The following GLT1D1 variants were observed in gnomAD, a reference collection of about 807,000 sequenced individuals.
GLT1D1 encodes the protein glycosyltransferase 1 domain containing 1, also known as glycosyltransferase 1 domain-containing protein 1.
GLT1D1 carries 21 observed loss-of-function variants against 28.7 expected under a neutral mutation model. That is an observed-to-expected ratio of 0.73 (90% CI 0.52 to 1.05). The LOEUF (loss-of-function observed/expected upper bound fraction) is 1.05. Among genes scored for constraint, GLT1D1 ranks in the 50% least tolerant of loss-of-function variants. GLT1D1 has a pLI of 0.00. For missense variants in GLT1D1, 343 were observed against 330.6 expected (o/e 1.04, Z -0.29); for synonymous variants, 147 against 124.8 (o/e 1.18, Z -1.19).
chr12:128,912,189 T>C (rs543759539), intron 4 of GLT1D1, among the ~76,000 whole-genome samples: 4 of 152,284 alleles, frequency 2.6e-5, no homozygotes, highest in East Asian at 1.9e-4. Context: ...AGACTTTTTG[T>C]GTGTGTGCTT....
chr12:128,882,554 C>T (rs796175715), intron 2 of GLT1D1, among the ~76,000 whole-genome samples: 7 of 152,244 alleles, frequency 4.6e-5, no homozygotes, highest in African/African-American at 1.7e-4. Flanking sequence ...GCTGGGATTA[C>T]AGGTGTGAGC....
At chr12:128,969,633 CG>C (rs1353793448) in intron 7 of GLT1D1, among the ~76,000 whole-genome samples, 2 of 152,202 alleles carry the variant, frequency 1.3e-5, no homozygotes, top group Non-Finnish European at 2.9e-5. Flanking sequence ...CGGAGGCACT[CG>C]GGGCTCCTCC....
intron 4 of GLT1D1, among the ~76,000 whole-genome samples, chr12:128,910,423 A>C (rs1871389356): frequency 6.6e-6 from 1 of 152,112 alleles, no homozygotes; most frequent in Admixed American, 6.6e-5. Context: ...GATTATGCTG[A>C]ATCTGTTATT....
chr12:128,983,151 CAG>C lies in GLT1D1; in HGVS notation c.*64_*65del. ...ACAGCTCTGGGTGCACACTCAGAGA[CAG>C]AGTTCTGGATCACGTGGGCCCAGTG... On this transcript the variant is annotated 3_prime_UTR_variant, in exon 8 of 8. Coordinates refer to ENST00000281703, the MANE Select transcript of GLT1D1 (RefSeq NM_144669.3). This position sits in a 1 kb window ranked among gnomAD's most constrained non-coding sequence, Gnocchi z 4.7. 1 of 1,485,304 alleles carries C rather than the reference CAG, an allele frequency of 6.7e-7. No individual in the cohort carries two copies. The highest frequency in any genetic ancestry group is 9.3e-7 in the Non-Finnish European group (1 of 1,071,632). 92.0% of individuals were successfully genotyped at this position (1,485,304 alleles called of 1,614,324 possible).
intron 4 of GLT1D1, among the ~76,000 whole-genome samples, chr12:128,932,341 G>A (rs764932303): frequency 4.6e-5 from 7 of 152,146 alleles, no homozygotes; most frequent in Non-Finnish European, 1.0e-4. Flanking sequence ...CCATGTCCCC[G>A]TCTGGAGCTG....
intron 4 of GLT1D1, among the ~76,000 whole-genome samples, chr12:128,907,584 C>A (rs1363130218): frequency 6.6e-6 from 1 of 152,082 alleles, no homozygotes; most frequent in Non-Finnish European, 1.5e-5. Flanking sequence ...GGATTACAGG[C>A]GTAAGCCACC....
At chr12:128,908,435 C>T (rs1251280432) in intron 4 of GLT1D1, among the ~76,000 whole-genome samples, 3 of 143,952 alleles carry the variant, frequency 2.1e-5, no homozygotes, top group Admixed American at 1.4e-4. Flanking sequence ...TCCTTTCTTC[C>T]TTTCTTTCCT....
At chr12:128,862,369 G>T (rs1006085883) in intron 1 of GLT1D1, among the ~76,000 whole-genome samples, 2 of 146,860 alleles carry the variant, frequency 1.4e-5, no homozygotes, top group Non-Finnish European at 3.0e-5. Flanking sequence ...GCCATTGAAA[G>T]TTGTTGCTGG....
intron 4 of GLT1D1, among the ~76,000 whole-genome samples, chr12:128,913,457 G>A (rs928485668): frequency 2.0e-5 from 3 of 152,320 alleles, no homozygotes; most frequent in East Asian, 3.9e-4. Context: ...CTGACCTCAG[G>A]TGATCTGTCC....
At chr12:128,975,038 C>CGCACCT (rs1555222040) in intron 7 of GLT1D1, among the ~76,000 whole-genome samples, 6 of 152,224 alleles carry the variant, frequency 3.9e-5, no homozygotes, top group African/African-American at 1.4e-4. Context: ...AGTGCCCCCC[C>CGCACCT]GCACCTGCAC....
intron 7 of GLT1D1, among the ~76,000 whole-genome samples, chr12:128,958,815 G>T: frequency 7.6e-6 from 1 of 131,464 alleles, no homozygotes. Context: ...TTGTTAGGCA[G>T]TAGTAAATAA....
intron 7 of GLT1D1, among the ~76,000 whole-genome samples, chr12:128,979,844 T>A (rs920420452): frequency 1.3e-5 from 2 of 152,188 alleles, no homozygotes; most frequent in Admixed American, 1.3e-4. Context: ...TCAGAACACT[T>A]ACACTAACCT....
At chr12:128,953,580 A>C (rs10847723) in intron 6 of GLT1D1, among the ~76,000 whole-genome samples, 10,892 of 152,220 alleles carry the variant, frequency 0.072, 686 homozygotes, top group African/African-American at 0.16. Context: ...ACAGTCTTAA[A>C]GACTTAACTT....
intron 6 of GLT1D1, among the ~76,000 whole-genome samples, chr12:128,954,793 T>G (rs1877102919): frequency 6.6e-6 from 1 of 152,096 alleles, no homozygotes. Flanking sequence ...CTACAAAACA[T>G]TTTTAAAAAC....
chr12:128,948,827 C>G (rs1300050731), intron 6 of GLT1D1, among the ~76,000 whole-genome samples: 1 of 151,852 alleles, frequency 6.6e-6, no homozygotes, highest in East Asian at 1.9e-4. Flanking sequence ...ACGTTGTATG[C>G]ATAATATTTG....
intron 4 of GLT1D1, among the ~76,000 whole-genome samples, chr12:128,899,602 T>C (rs1399497387): frequency 6.9e-6 from 1 of 145,924 alleles, no homozygotes. Context: ...TAGGCTGGAG[T>C]GCAATGGCGT....
At chr12:128,914,965 T>G in intron 4 of GLT1D1, 1 of 1,536,046 alleles carries the variant, frequency 6.5e-7, no homozygotes, top group Non-Finnish European at 8.7e-7. Context: ...CGCTTTTAAC[T>G]GGAATACCTT....
At chr12:128,982,781 T>C in intron 7 of GLT1D1, 148 bp from the exon 12 acceptor site, 1 of 639,750 alleles carries the variant, frequency 1.6e-6, no homozygotes, top group Non-Finnish European at 2.8e-6. Context: ...TTGCATTAAC[T>C]CCCATCCCTC....
At chr12:128,888,792 A>C (rs1351246524) in intron 3 of GLT1D1, 48 bp downstream of exon 3, 13 of 1,223,744 alleles carry the variant, frequency 1.1e-5, no homozygotes, top group Non-Finnish European at 1.5e-5. Flanking sequence ...AAACTGTGTG[A>C]ATTGAATTAA....
Sources: allele counts gnomAD v4.1 joint callset (sites outside exome capture counted in the v4.1 genomes callset), GRCh38; gene constraint gnomAD v4.1.1; non-coding constraint Gnocchi (gnomAD v3.1); transcripts MANE v1.5; gene names NCBI Gene and HGNC (gene_info 2026-07-23, HGNC 2026-07-21).